Variants in EDRF1 observed in about 807,000 individuals in gnomAD.
EDRF1 encodes erythroid differentiation-related factor 1.
EDRF1 carries 69 observed loss-of-function variants against 148.7 expected under a neutral mutation model. The observed-to-expected ratio is 0.46, with a 90% confidence interval of 0.38 to 0.57. EDRF1 has a LOEUF of 0.57. Among genes scored for constraint, EDRF1 ranks in the 20% least tolerant of loss-of-function variants. The pLI is 0.00. For missense variants in EDRF1, 1,118 were observed against 1,478.7 expected (o/e 0.76, Z 4.00); for synonymous variants, 515 against 532.8 (o/e 0.97, Z 0.46).
At chr10:125,759,670 G>GT (rs1850091738) in intron 24 of EDRF1, among the ~76,000 whole-genome samples, 1 of 151,930 alleles carries the variant, frequency 6.6e-6, no homozygotes, top group Admixed American at 6.6e-5. Context: ...ATTCTCTATA[G>GT]TCTAAGGAGA....
intron 2 of EDRF1, 65 bp from the exon 3 acceptor site, chr10:125,723,003 T>C (rs1468674727): frequency 8.7e-6 from 11 of 1,267,880 alleles, no homozygotes; most frequent in South Asian, 7.1e-5. Flanking sequence ...AGTATTGTTA[T>C]TAAGCTCTAC....
chr10:125,726,209 T>C (rs1202983839), intron 6 of EDRF1, among the ~76,000 whole-genome samples: 2 of 152,138 alleles, frequency 1.3e-5, no homozygotes, highest in African/African-American at 4.8e-5. Context: ...ACTATAAATA[T>C]CTGTCAATAT....
At chr10:125,750,157 C>CA (rs111620834) in intron 22 of EDRF1, among the ~76,000 whole-genome samples, 2,445 of 150,662 alleles carry the variant, frequency 0.016, 55 homozygotes, top group African/African-American at 0.048. Flanking sequence ...CAAAAACAAA[C>CA]AAAAAAAAAG....
chr10:125,729,328 T>C (rs1309808317), intron 7 of EDRF1, 30 bp from the exon 8 acceptor site: 2 of 1,610,154 alleles, frequency 1.2e-6, no homozygotes, highest in South Asian at 1.1e-5. Context: ...ATTGACTGTT[T>C]ATTATAATCC....
At chr10:125,758,906 C>A (rs1850055372) in intron 24 of EDRF1, among the ~76,000 whole-genome samples, 1 of 152,176 alleles carries the variant, frequency 6.6e-6, no homozygotes, top group South Asian at 2.1e-4. Context: ...CCCCACCTAA[C>A]CCTTCAGAGT....
chr10:125,723,888 C>A lies in EDRF1; in HGVS notation c.462C>A (p.Leu154=), dbSNP rs1356164752. The change falls in exon 4 of 25, where the codon CTC becomes CTA. Residue 154 remains leucine, a synonymous_variant. Coordinates refer to ENST00000356792, the MANE Select transcript of EDRF1 (RefSeq NM_001202438.2). ...SMAVHRIGRT[L]LLDELDIQEL... is the part of the protein sequence containing the mutation. ...CAGTACACCGCATAGGAAGGACTCT[C>A]TTACTAGATGAGCTAGATATTCAAG... 1.2e-6 allele frequency: 2 copies of A among 1,613,670 alleles called. No individual in the cohort carries two copies. The highest frequency in any genetic ancestry group is 1.7e-5 in the Admixed American group (1 of 60,004).
intron 24 of EDRF1, among the ~76,000 whole-genome samples, chr10:125,757,595 A>C (rs1486736416): frequency 6.6e-5 from 10 of 152,088 alleles, no homozygotes; most frequent in Admixed American, 3.9e-4. Context: ...TGCCTGAAAA[A>C]CTTTTAGCAT....
At chr10:125,733,780 TATTATA>T (rs748390893) in intron 11 of EDRF1, 37 bp downstream of exon 11, 1 of 1,554,876 alleles carries the variant, frequency 6.4e-7, no homozygotes, top group Non-Finnish European at 8.9e-7. Context: ...AGAAGTAGCC[TATTATA>T]TAAAGTTTTA....
rs1162483569 is a variant in EDRF1 at position 125,753,730 on chromosome 10, TCTC to T, written c.3433_3435del (p.Pro1145del). 1.1e-5 allele frequency: 17 copies of T among 1,613,958 alleles called. No individual in the cohort carries two copies. Among genetic ancestry groups the T allele is most frequent in the Non-Finnish European group, 9.3e-6 (11 of 1,180,032 alleles). Reference sequence around the variant, plus strand: ...TGACGCCGCTGCAGCTGCTGATGCTTCTCCTAGTCTCAATCGAGAAGAAGTGAT... The same window carrying T: ...TGACGCCGCTGCAGCTGCTGATGCTTCTAGTCTCAATCGAGAAGAAGTGAT... On this transcript the variant is annotated inframe_deletion, in exon 24 of 25. Coordinates refer to ENST00000356792, the MANE Select transcript of EDRF1 (RefSeq NM_001202438.2).
chr10:125,752,274 G>T (rs965463669), intron 22 of EDRF1, among the ~76,000 whole-genome samples: 1 of 152,168 alleles, frequency 6.6e-6, no homozygotes, highest in Admixed American at 6.5e-5. Flanking sequence ...ACTGCACACC[G>T]CACACAATTG....
At chr10:125,755,855 C>T (rs1361121134) in intron 24 of EDRF1, among the ~76,000 whole-genome samples, 1 of 152,050 alleles carries the variant, frequency 6.6e-6, no homozygotes, top group Admixed American at 6.5e-5. Flanking sequence ...GTCATTCTAG[C>T]TAGAAGTTTT....
At chr10:125,727,108 A>G (rs971428321) in intron 6 of EDRF1, among the ~76,000 whole-genome samples, 2 of 152,156 alleles carry the variant, frequency 1.3e-5, no homozygotes, top group African/African-American at 2.4e-5. Context: ...GATGTTTCAC[A>G]TGGTCATACA....
rs1847988581 is a variant in EDRF1, at chr10:125,721,302, G to A, written c.207G>A (p.Glu69=). The A allele has an allele frequency of 6.2e-7, 1 of 1,614,062 alleles. No individual in the cohort carries two copies. Among genetic ancestry groups the A allele is most frequent in the African/African-American group, 1.3e-5 (1 of 74,924 alleles). ...PPRTAFARLE[E]KTDLKLPPAN... is the part of the protein sequence containing the mutation. ...GAACAGCATTTGCACGCCTTGAAGA[G>A]AAAACAGACTTGAAACTCCCACCTG... Residue 69 remains glutamate (E), a synonymous_variant, in exon 2 of 25, where the codon GAG becomes GAA. Transcript: ENST00000356792.
intron 22 of EDRF1, among the ~76,000 whole-genome samples, chr10:125,751,348 A>G (rs376928320): frequency 1.3e-5 from 2 of 152,044 alleles, no homozygotes; most frequent in East Asian, 1.9e-4. Flanking sequence ...TTTGTAAGCC[A>G]AGTTAATAAA....
chr10:125,730,719 T>C (rs761377457), intron 9 of EDRF1, among the ~76,000 whole-genome samples: 8 of 152,246 alleles, frequency 5.3e-5, no homozygotes, highest in Non-Finnish European at 8.8e-5. Flanking sequence ...GTTTCTTCGT[T>C]ATGCAAATAT....
Position 125,760,030 on chromosome 10 carries a change from A to G in EDRF1, c.3546-3271A>G, listed in dbSNP as rs71488679. On this transcript the variant is annotated intron_variant, in intron 24 of 24. Coordinates refer to ENST00000356792, the MANE Select transcript of EDRF1 (RefSeq NM_001202438.2). ...TGGCCTTATTTGGTTGTTAATCCAC[A>G]GTGTCTGCACCATATCCTGGTTGTG... 4.6e-3 allele frequency among the ~76,000 whole-genome samples: 697 copies of G among 152,342 alleles called. 3 individuals are homozygous for G. Among genetic ancestry groups the G allele is most frequent in the Non-Finnish European group, 7.5e-3 (507 of 68,032 alleles).
At position 125,741,113 on chromosome 10, in the gene EDRF1, T is replaced by C. The variant is rs1158261439; in HGVS notation, c.2283T>C (p.Asn761=). 2 of 1,614,158 alleles carry C rather than the reference T, an allele frequency of 1.2e-6. No homozygotes were observed. Among genetic ancestry groups the C allele is most frequent in the Admixed American group, 1.7e-5 (1 of 60,026 alleles). The part of the protein sequence containing the change: ...IQLMLAQNAN[N]RAAHLEEFHY... ...TAATGCTGGCCCAGAATGCAAATAA[T>C]AGAGCAGCACACCTTGAAGAGTTTC... Residue 761 remains asparagine, a synonymous_variant, in exon 17 of 25, where the codon AAT becomes AAC. Coordinates refer to ENST00000356792, the MANE Select transcript of EDRF1 (RefSeq NM_001202438.2).
rs147395362 is a variant in EDRF1 at position 125,763,436 on chromosome 10, C to T, written c.3681C>T (p.Ala1227=). The change falls in exon 25 of 25, where the codon GCC becomes GCT. Residue 1227 remains alanine (A), a synonymous_variant. Transcript: ENST00000356792. The surrounding 1 kb of genome is among the most constrained non-coding windows in gnomAD (Gnocchi z 4.3). ...NVIVHLLGQL[A]AGSAASSNAV... ...TCGTCCACCTGCTGGGCCAGCTTGC[C>T]GCCGGCAGTGCAGCGAGCAGCAATG... 26 of 1,610,056 alleles carry T rather than the reference C, an allele frequency of 1.6e-5. No individual in the cohort carries two copies. The highest frequency in any genetic ancestry group is 1.3e-4 in the East Asian group (6 of 44,896).
rs1847977931 is a variant in EDRF1, at chr10:125,721,151, G to T, written c.109-53G>T. On this transcript the variant is annotated intron_variant, in intron 1 of 24. Coordinates refer to ENST00000356792, the MANE Select transcript of EDRF1 (RefSeq NM_001202438.2). The stretch of plus-strand genomic sequence containing the variant: ...TCTTGTTTTCTTTTTATAAAGGTGA[G>T]ATTTTTCGTTCTTAGTAATTTTCAT... 4.5e-6 allele frequency: 7 copies of T among 1,570,458 alleles called. No homozygotes were observed. In the South Asian group the frequency reaches 7.8e-5, roughly 17 times the overall value.
Sources: gnomAD v4.1 joint callset for allele counts (sites outside exome capture counted in the v4.1 genomes callset) on GRCh38, gnomAD v4.1.1 for gene constraint, Gnocchi (gnomAD v3.1) non-coding constraint, MANE v1.5 for transcripts, NCBI Gene and HGNC (gene_info 2026-07-23, HGNC 2026-07-21) for gene names.